The following LYPLAL1 variants were observed in gnomAD, a reference collection of about 807,000 sequenced individuals.
LYPLAL1 encodes lysophospholipase like 1.
Under a neutral mutation model 19.7 loss-of-function variants are expected in LYPLAL1, and 23 were observed. The observed-to-expected ratio is 1.17, with a 90% CI of 0.84 to 1.65. The LOEUF (loss-of-function observed/expected upper bound fraction) is 1.65, where lower values mean the gene tolerates loss of function less well. Ranked by LOEUF, LYPLAL1 falls within the 40% of genes most tolerant of loss-of-function variation. The pLI is 0.00. For missense variants in LYPLAL1, 355 were observed against 279.4 expected, an observed-to-expected ratio of 1.27 and a Z score of -1.93; for synonymous variants, 119 against 96.3, an observed-to-expected ratio of 1.24 and a Z score of -1.38.
the LYPLAL1 span, among the ~76,000 whole-genome samples, chr1:219,336,620 T>C: frequency 6.6e-6 from 1 of 151,986 alleles, no homozygotes; most frequent in Admixed American, 6.6e-5. Flanking sequence ...TTACATGCCT[T>C]AGCCAATTTA....
At chr1:219,393,640 T>A in the LYPLAL1 span, among the ~76,000 whole-genome samples, 8 of 152,224 alleles carry the variant, frequency 5.3e-5, no homozygotes, top group African/African-American at 1.9e-4. Context: ...AATATAACTG[T>A]TAATAATGAG....
chr1:219,298,481 G>A, the LYPLAL1 span, among the ~76,000 whole-genome samples: 1 of 152,188 alleles, frequency 6.6e-6, no homozygotes, highest in African/African-American at 2.4e-5. Context: ...AAGGGAATGA[G>A]AATATATGAA....
At chr1:219,381,180 T>A in the LYPLAL1 span, among the ~76,000 whole-genome samples, 1 of 152,130 alleles carries the variant, frequency 6.6e-6, no homozygotes, top group Non-Finnish European at 1.5e-5. Flanking sequence ...CCTGTGATAG[T>A]GAATAAGTCT....
At chr1:219,205,363 CAAAAAAAAA>C (rs66877413) in intron 3 of LYPLAL1, among the ~76,000 whole-genome samples, 15 of 128,500 alleles carry the variant, frequency 1.2e-4, no homozygotes, top group Admixed American at 3.3e-4. Context: ...GACTCCGTCT[CAAAAAAAAA>C]AAAAAACAAA....
chr1:219,244,639 A>G, the LYPLAL1 span, among the ~76,000 whole-genome samples: 5 of 152,126 alleles, frequency 3.3e-5, no homozygotes, highest in African/African-American at 1.2e-4. Flanking sequence ...AGAAACCACA[A>G]TATATGTTAT....
At chr1:219,256,206 T>C in the LYPLAL1 span, among the ~76,000 whole-genome samples, 2 of 151,956 alleles carry the variant, frequency 1.3e-5, no homozygotes, top group African/African-American at 2.4e-5. Context: ...CGGAGATTAT[T>C]GGATAACTGA....
chr1:219,424,353 A>G, the LYPLAL1 span, among the ~76,000 whole-genome samples: 3 of 152,200 alleles, frequency 2.0e-5, no homozygotes, highest in South Asian at 6.2e-4. Flanking sequence ...GCTTAAAGTA[A>G]TCTAAATTTG....
the LYPLAL1 span, among the ~76,000 whole-genome samples, chr1:219,322,833 C>T: frequency 6.6e-6 from 1 of 152,250 alleles, no homozygotes; most frequent in East Asian, 1.9e-4. Flanking sequence ...TTAAATACTG[C>T]AGTAAAGGGA....
the LYPLAL1 span, among the ~76,000 whole-genome samples, chr1:219,336,331 T>A: frequency 8.6e-5 from 13 of 151,850 alleles, no homozygotes; most frequent in African/African-American, 3.1e-4. Context: ...CTTGTCATGA[T>A]ATATTGGGGA....
chr1:219,224,990 A>G, the LYPLAL1 span, among the ~76,000 whole-genome samples: 1 of 152,078 alleles, frequency 6.6e-6, no homozygotes, highest in Non-Finnish European at 1.5e-5. Context: ...TGTCTCTCTC[A>G]GCTATTTTCC....
At chr1:219,353,322 A>C in the LYPLAL1 span, among the ~76,000 whole-genome samples, 1 of 152,244 alleles carries the variant, frequency 6.6e-6, no homozygotes, top group African/African-American at 2.4e-5. Context: ...GATTCTACAT[A>C]ATGGTTCCTT....
At chr1:219,181,997 A>G (rs987710764) in intron 2 of LYPLAL1, among the ~76,000 whole-genome samples, 1 of 152,168 alleles carries the variant, frequency 6.6e-6, no homozygotes, top group Non-Finnish European at 1.5e-5. Context: ...GTATTTATAT[A>G]TAATACTAAT....
chr1:219,396,149 T>C, the LYPLAL1 span, among the ~76,000 whole-genome samples: 2 of 151,968 alleles, frequency 1.3e-5, no homozygotes, highest in Non-Finnish European at 2.9e-5. Flanking sequence ...CTTCTGCATA[T>C]GGCTAGTCAG....
At chr1:219,313,143 G>T in the LYPLAL1 span, among the ~76,000 whole-genome samples, 21,730 of 152,150 alleles carry the variant, frequency 0.14, 2,125 homozygotes, top group Middle Eastern at 0.27. Flanking sequence ...GTAGAGCCAT[G>T]TGCTGTGACC....
the LYPLAL1 span, among the ~76,000 whole-genome samples, chr1:219,232,781 G>C: frequency 6.6e-6 from 1 of 150,658 alleles, no homozygotes; most frequent in African/African-American, 2.4e-5. Context: ...CATATGAAAA[G>C]ATATTCAACA....
At chr1:219,238,359 G>A in the LYPLAL1 span, among the ~76,000 whole-genome samples, 1 of 132,828 alleles carries the variant, frequency 7.5e-6, no homozygotes, top group Non-Finnish European at 1.5e-5. Flanking sequence ...CACTGTGTTA[G>A]CCAGAATGGT....
At chr1:219,306,849 TAGACAGAC>T in the LYPLAL1 span, among the ~76,000 whole-genome samples, 3,318 of 135,320 alleles carry the variant, frequency 0.025, 53 homozygotes, top group African/African-American at 0.039. Context: ...GATAGATAGA[TAGACAGAC>T]AGACAGACAG....
the LYPLAL1 span, among the ~76,000 whole-genome samples, chr1:219,276,802 C>T: frequency 5.3e-5 from 8 of 152,096 alleles, no homozygotes; most frequent in Non-Finnish European, 1.2e-4. Context: ...AGGAAATTCC[C>T]CCAAAGGACA....
the LYPLAL1 span, among the ~76,000 whole-genome samples, chr1:219,238,242 A>G: frequency 7.1e-6 from 1 of 140,960 alleles, no homozygotes; most frequent in African/African-American, 2.7e-5. Flanking sequence ...GGTTCACGCC[A>G]TTCTCCTGCC....
Sources: gnomAD v4.1 joint callset for allele counts (sites outside exome capture counted in the v4.1 genomes callset) on GRCh38, gnomAD v4.1.1 for gene constraint, MANE v1.5 for transcripts, NCBI Gene and HGNC (gene_info 2026-07-23, HGNC 2026-07-21) for gene names.